The following ZBTB20 variants were observed in gnomAD, a reference collection of about 807,000 sequenced individuals.
ZBTB20 encodes the protein zinc finger and BTB domain containing 20.
A neutral mutation model predicts 56.9 loss-of-function variants in ZBTB20; 9 were observed. That is an observed-to-expected ratio of 0.16 (90% CI 0.10 to 0.28). ZBTB20 has a LOEUF of 0.28. Ranked by LOEUF, ZBTB20 falls within the 10% of genes least tolerant of loss-of-function variation. The probability of loss-of-function intolerance (pLI) is 1.00; values close to 1 mark genes in which losing one functional copy is unlikely to be tolerated. For synonymous variants in ZBTB20, 417 were observed against 420.7 expected (o/e 0.99, Z 0.11); for missense variants, 655 against 1,003.0 (o/e 0.65, Z 4.69).
intron 2 of ZBTB20, among the ~76,000 whole-genome samples, chr3:115,060,450 C>A (rs1024409787): frequency 6.6e-6 from 1 of 152,060 alleles, no homozygotes; most frequent in Non-Finnish European, 1.5e-5. Flanking sequence ...AAGGCTTTCC[C>A]GGGATCCATG....
intron 4 of ZBTB20, among the ~76,000 whole-genome samples, chr3:114,824,056 G>C (rs780615647): frequency 7.2e-5 from 11 of 151,904 alleles, no homozygotes; most frequent in Non-Finnish European, 1.5e-4. Flanking sequence ...AAATTCCACT[G>C]GGGTAAATAG....
At chr3:114,588,806 C>G (rs762759171) in intron 6 of ZBTB20, among the ~76,000 whole-genome samples, 12 of 152,112 alleles carry the variant, frequency 7.9e-5, no homozygotes, top group Non-Finnish European at 1.6e-4. Context: ...GAATCTTAAT[C>G]CATATTAGTC....
At chr3:114,346,270 A>G (rs1234800253) in intron 11 of ZBTB20, among the ~76,000 whole-genome samples, 2 of 152,256 alleles carry the variant, frequency 1.3e-5, no homozygotes, top group Non-Finnish European at 2.9e-5. Context: ...ATTCAGAGAC[A>G]GGAAATAGAG....
intron 2 of ZBTB20, among the ~76,000 whole-genome samples, chr3:115,064,733 G>A (rs759866257): frequency 1.2e-4 from 18 of 152,128 alleles, no homozygotes; most frequent in African/African-American, 4.1e-4. Flanking sequence ...ACTTACAGGC[G>A]TGAGCCACCG....
At chr3:114,902,154 G>A (rs1322670660) in intron 3 of ZBTB20, among the ~76,000 whole-genome samples, 1 of 148,256 alleles carries the variant, frequency 6.7e-6, no homozygotes, top group Non-Finnish European at 1.5e-5. Flanking sequence ...CAGTGCTTTG[G>A]AATCTACACA....
chr3:114,830,938 C>A (rs2073804908), intron 4 of ZBTB20, among the ~76,000 whole-genome samples: 1 of 151,834 alleles, frequency 6.6e-6, no homozygotes, highest in Non-Finnish European at 1.5e-5. Flanking sequence ...AACAAGGTTG[C>A]CTATTCTGGT....
At chr3:114,678,584 G>T (rs1264119391) in intron 6 of ZBTB20, among the ~76,000 whole-genome samples, 1 of 152,132 alleles carries the variant, frequency 6.6e-6, no homozygotes, top group Non-Finnish European at 1.5e-5. Flanking sequence ...CAGAATCACT[G>T]CATCTTATGT....
Position 114,339,017 on chromosome 3 carries a change from C to A in ZBTB20, c.2214G>T (p.Val738=). Residue 738 remains valine (V), a synonymous_variant, in exon 12 of 12, where the codon GTG becomes GTT. Coordinates refer to ENST00000675478, the MANE Select transcript of ZBTB20 (RefSeq NM_001348800.3). The surrounding 1 kb of genome is among the most constrained non-coding windows in gnomAD (Gnocchi z 4.2). ...EQFNDHMRMH[V]SDG is the part of the protein sequence containing the mutation. Reference sequence around the variant, plus strand: ...AGAAAGATACTACTTATCCGTCAGACACATGCATCCTCATGTGGTCGTTGA... The same window carrying A: ...AGAAAGATACTACTTATCCGTCAGAAACATGCATCCTCATGTGGTCGTTGA... The A allele has an allele frequency of 6.6e-7, 1 of 1,509,212 alleles. No individual in the cohort carries two copies. The highest frequency in any genetic ancestry group is 1.8e-4 in the Middle Eastern group (1 of 5,558). The allele number at this position is 1,509,212 out of a possible 1,614,324, so 93.5% of individuals were successfully genotyped here. A position where few individuals can be genotyped will look rare whatever the true frequency, so the allele number is the denominator to read the frequency against.
chr3:114,610,862 G>A (rs76762967), intron 6 of ZBTB20, among the ~76,000 whole-genome samples: 2,784 of 152,262 alleles, frequency 0.018, 79 homozygotes, highest in African/African-American at 0.062. Flanking sequence ...GGCACTTGCC[G>A]TAAGAGAGGA....
At chr3:115,053,292 C>CTTGT (rs1167888179) in intron 2 of ZBTB20, among the ~76,000 whole-genome samples, 2 of 152,124 alleles carry the variant, frequency 1.3e-5, no homozygotes, top group East Asian at 1.9e-4. Context: ...GGAACAGTTT[C>CTTGT]TTGTTTGTTT....
rs967078273 is a variant in ZBTB20 at position 114,669,315 on chromosome 3, C to T, written c.-295+24213G>A. Among the ~76,000 whole-genome samples the T allele has an allele frequency of 2.6e-5, 4 of 152,162 alleles. No homozygotes were observed. The East Asian group carries it at 7.7e-4, about 29-fold the overall frequency. On this transcript the variant is annotated intron_variant, in intron 6 of 11. Coordinates refer to ENST00000675478, the MANE Select transcript of ZBTB20 (RefSeq NM_001348800.3). ...GCCACTGGCCTTAAACCATCAGCCA[C>T]ATCAACACGTAAGACACTCAGCCTA...
chr3:115,035,401 C>T (rs2080872277), intron 2 of ZBTB20, among the ~76,000 whole-genome samples: 1 of 151,962 alleles, frequency 6.6e-6, no homozygotes, highest in Non-Finnish European at 1.5e-5. Flanking sequence ...GTGCAAAGAA[C>T]TTGAATAGAC....
chr3:114,369,256 C>G (rs1254716647), intron 10 of ZBTB20, among the ~76,000 whole-genome samples: 1 of 152,134 alleles, frequency 6.6e-6, no homozygotes, highest in Non-Finnish European at 1.5e-5. Flanking sequence ...TTTAAAAATT[C>G]TGTACTCTTT....
intron 5 of ZBTB20, among the ~76,000 whole-genome samples, chr3:114,790,924 G>T (rs1359599071): frequency 6.6e-6 from 1 of 151,972 alleles, no homozygotes; most frequent in Non-Finnish European, 1.5e-5. Context: ...AGCAACAGAA[G>T]ACTTCCCTAT....
chr3:115,031,249 A>G (rs2080664833), intron 2 of ZBTB20, among the ~76,000 whole-genome samples: 1 of 148,978 alleles, frequency 6.7e-6, no homozygotes, highest in African/African-American at 2.4e-5. Flanking sequence ...ATGTTAAACC[A>G]CTTTTCTAGT....
intron 2 of ZBTB20, among the ~76,000 whole-genome samples, chr3:115,030,829 T>G (rs2080642221): frequency 6.6e-6 from 1 of 151,316 alleles, no homozygotes; most frequent in Admixed American, 6.6e-5. Context: ...AGTTTATTGT[T>G]TTTAAATGAT....
At chr3:114,883,357 T>C (rs1236304033) in intron 4 of ZBTB20, among the ~76,000 whole-genome samples, 1 of 152,198 alleles carries the variant, frequency 6.6e-6, no homozygotes, top group East Asian at 1.9e-4. Context: ...AATGGTTTAG[T>C]TCTGCCAAGG....
chr3:115,130,474 CA>C (rs2084472047), intron 1 of ZBTB20, among the ~76,000 whole-genome samples: 1 of 152,212 alleles, frequency 6.6e-6, no homozygotes, highest in South Asian at 2.1e-4. Flanking sequence ...TAAGTTTTAT[CA>C]AGGGATATCA....
intron 7 of ZBTB20, among the ~76,000 whole-genome samples, chr3:114,400,765 C>A (rs1457225621): frequency 6.6e-6 from 1 of 152,028 alleles, no homozygotes; most frequent in Non-Finnish European, 1.5e-5. Context: ...ACAGCTCCAG[C>A]CCACATGATT....
Sources: allele counts gnomAD v4.1 joint callset (sites outside exome capture counted in the v4.1 genomes callset), GRCh38; gene constraint gnomAD v4.1.1; non-coding constraint Gnocchi (gnomAD v3.1); transcripts MANE v1.5; gene names NCBI Gene and HGNC (gene_info 2026-07-23, HGNC 2026-07-21).